The following ADGRB3 variants were observed in gnomAD, a reference collection of about 807,000 sequenced individuals.
The protein encoded by ADGRB3 is brain-specific angiogenesis inhibitor 3.
ADGRB3 carries 37 observed loss-of-function variants against 193.4 expected under a neutral mutation model. That is an observed-to-expected ratio of 0.19 (90% CI 0.15 to 0.25). The LOEUF (loss-of-function observed/expected upper bound fraction) is 0.25, where lower values mean the gene tolerates loss of function less well. ADGRB3 is among the 10% of genes least tolerant of loss of function. The pLI, the probability that ADGRB3 is intolerant of heterozygous loss-of-function variation, is 1.00. For missense variants in ADGRB3, 1,637 were observed against 1,852.9 expected (o/e 0.88, Z 2.14); for synonymous variants, 690 against 644.2 (o/e 1.07, Z -1.08).
chr6:68,709,625 T>C (rs1281798538), intron 3 of ADGRB3, among the ~76,000 whole-genome samples: 1 of 152,160 alleles, frequency 6.6e-6, no homozygotes, highest in Non-Finnish European at 1.5e-5. Context: ...ATTGAATATG[T>C]GAATGGCTAT....
chr6:69,166,615 G>A (rs1254838747), intron 17 of ADGRB3, among the ~76,000 whole-genome samples: 1 of 152,036 alleles, frequency 6.6e-6, no homozygotes, highest in African/African-American at 2.4e-5. Flanking sequence ...GGAGCTGTGG[G>A]GGTTAATGAG....
chr6:68,743,878 G>A, intron 3 of ADGRB3, among the ~76,000 whole-genome samples: 1 of 152,088 alleles, frequency 6.6e-6, no homozygotes, highest in South Asian at 2.1e-4. Context: ...AATGTGTAGG[G>A]AACAGAGGAC....
rs1562128970 is a variant in ADGRB3, at chr6:69,031,069, CTCTT to C, written c.2107+12571_2107+12574del. Among the ~76,000 whole-genome samples the C allele has an allele frequency of 1.6e-3, 78 of 49,540 alleles. 5 individuals are homozygous for C. The highest frequency in any genetic ancestry group is 3.1e-3 in the Admixed American group (17 of 5,400). 32.5% of individuals were successfully genotyped at this position (49,540 alleles called of 152,430 possible). A position where few individuals can be genotyped will look rare whatever the true frequency, so the allele number is the denominator to read the frequency against. ...CTCTTCTCTTCTCTTCTCTTCTCTT[CTCTT>C]CTCTTCTCTTCTCTTCTCTTCTCTT... is the stretch of plus-strand genomic sequence containing the variant. On this transcript the variant is annotated intron_variant, in intron 13 of 31. Coordinates refer to ENST00000370598, the MANE Select transcript of ADGRB3 (RefSeq NM_001704.3).
At chr6:69,000,904 T>C (rs745702886) in intron 11 of ADGRB3, among the ~76,000 whole-genome samples, 2 of 152,210 alleles carry the variant, frequency 1.3e-5, no homozygotes, top group African/African-American at 2.4e-5. Context: ...CTCAGAAATA[T>C]ATAACAGTCC....
rs146099750 is a variant in ADGRB3 at position 69,264,311 on chromosome 6, A to G, written c.2814+25085A>G. Among the ~76,000 whole-genome samples the G allele has an allele frequency of 3.1e-3, 479 of 152,136 alleles. 1 individual carries two copies. The highest frequency in any genetic ancestry group is 0.011 in the African/African-American group (452 of 41,572). On this transcript the variant is annotated intron_variant, in intron 20 of 31. Coordinates refer to ENST00000370598, the MANE Select transcript of ADGRB3 (RefSeq NM_001704.3). ...CCGCCATGGCTATTTCAAGCCCAGCAGGTCTTTGCTTTCACGTGCTAAAAA... is the reference window on the plus strand; with the variant it reads ...CCGCCATGGCTATTTCAAGCCCAGCGGGTCTTTGCTTTCACGTGCTAAAAA...
At chr6:69,126,228 TACACACATACATA>T (rs1375392533) in intron 17 of ADGRB3, among the ~76,000 whole-genome samples, 137 of 137,272 alleles carry the variant, frequency 1.0e-3, no homozygotes, top group Non-Finnish European at 1.4e-3. Context: ...GATAAATAGA[TACACACATACATA>T]CATACATACA....
intron 17 of ADGRB3, among the ~76,000 whole-genome samples, chr6:69,085,102 G>A (rs751529777): frequency 8.6e-5 from 13 of 152,030 alleles, no homozygotes; most frequent in Admixed American, 2.6e-4. Context: ...AAAATATTGC[G>A]AAAGATGCCA....
At chr6:68,914,987 G>T (rs993439408) in intron 3 of ADGRB3, among the ~76,000 whole-genome samples, 1 of 152,182 alleles carries the variant, frequency 6.6e-6, no homozygotes, top group African/African-American at 2.4e-5. Context: ...ATATTTGCCT[G>T]ATTCTCTGTT....
intron 3 of ADGRB3, among the ~76,000 whole-genome samples, chr6:68,690,492 T>C (rs1465179894): frequency 3.3e-5 from 5 of 152,080 alleles, no homozygotes; most frequent in African/African-American, 4.8e-5. Context: ...ATGATCTCCA[T>C]GAACAGGATC....
chr6:68,970,108 A>C (rs570427788), intron 8 of ADGRB3, among the ~76,000 whole-genome samples: 205 of 152,164 alleles, frequency 1.3e-3, no homozygotes, highest in African/African-American at 4.8e-3. Context: ...TGCCAGTTTT[A>C]ATTATATGTC....
Position 68,956,741 on chromosome 6 carries a change from T to G in ADGRB3, c.1457T>G (p.Val486Gly). 2 of 1,613,836 alleles carry G rather than the reference T, an allele frequency of 1.2e-6. No individual in the cohort carries two copies. Among genetic ancestry groups the G allele is most frequent in the African/African-American group, 2.7e-5 (2 of 74,930 alleles). The change falls in exon 8 of 32, where the codon GTG becomes GGG. Residue 486 changes from valine (V) to glycine (G), a missense_variant. This residue lies in a region of ADGRB3 where 641 missense variants were observed against 673.9 expected (regional missense o/e 0.95). Transcript: ENST00000370598. ...ERRIRTCQGA[V>G]ITGQQCEGTG... ...CGAATAAGGACCTGTCAGGGTGCAG[T>G]GATAACAGGGCAGCAATGTGAAGGA... is the stretch of plus-strand genomic sequence containing the variant.
At chr6:68,994,432 A>T (rs531393651) in intron 11 of ADGRB3, among the ~76,000 whole-genome samples, 1 of 152,348 alleles carries the variant, frequency 6.6e-6, no homozygotes, top group African/African-American at 2.4e-5. Context: ...CTATTCCCTG[A>T]AAATATAAGG....
intron 3 of ADGRB3, among the ~76,000 whole-genome samples, chr6:68,789,485 C>T (rs942974004): frequency 2.6e-5 from 4 of 152,202 alleles, no homozygotes; most frequent in South Asian, 2.1e-4. Context: ...TATTGGTCCC[C>T]ACACTCTTCT....
chr6:69,272,779 T>G (rs576006039), intron 20 of ADGRB3, among the ~76,000 whole-genome samples: 29 of 152,316 alleles, frequency 1.9e-4, no homozygotes, highest in Admixed American at 9.1e-4. Flanking sequence ...ATTGGTGCTT[T>G]TGGGCAGCAG....
chr6:69,102,510 T>C (rs1333217700), intron 17 of ADGRB3, among the ~76,000 whole-genome samples: 1 of 152,182 alleles, frequency 6.6e-6, no homozygotes, highest in African/African-American at 2.4e-5. Flanking sequence ...GCTGTTTAAA[T>C]ACATGGCATT....
chr6:68,822,911 G>C (rs1157261233), intron 3 of ADGRB3, among the ~76,000 whole-genome samples: 1 of 151,972 alleles, frequency 6.6e-6, no homozygotes, highest in African/African-American at 2.4e-5. Context: ...CTACAAGCTA[G>C]AGATTAATTT....
At chr6:69,134,713 T>G (rs550264942) in intron 17 of ADGRB3, among the ~76,000 whole-genome samples, 1 of 152,008 alleles carries the variant, frequency 6.6e-6, no homozygotes, top group East Asian at 1.9e-4. Context: ...TTAGAGAACC[T>G]TAGGTGTGTG....
At chr6:68,693,426 T>C (rs1765110055) in intron 3 of ADGRB3, among the ~76,000 whole-genome samples, 1 of 151,852 alleles carries the variant, frequency 6.6e-6, no homozygotes, top group African/African-American at 2.4e-5. Flanking sequence ...CTTGAAAACA[T>C]ATACTAAAAA....
chr6:68,741,737 G>T (rs911632458), intron 3 of ADGRB3, among the ~76,000 whole-genome samples: 35 of 152,176 alleles, frequency 2.3e-4, no homozygotes, highest in African/African-American at 8.4e-4. Flanking sequence ...GTATAGAAGA[G>T]TAATCTAATA....
Sources: gnomAD v4.1 joint callset for allele counts (sites outside exome capture counted in the v4.1 genomes callset) on GRCh38, gnomAD v4.1.1 for gene constraint, gnomAD v4.1.1 regional missense constraint, MANE v1.5 for transcripts, NCBI Gene and HGNC (gene_info 2026-07-23, HGNC 2026-07-21) for gene names.